Variants in GLIS3 observed in about 807,000 individuals in gnomAD.
GLIS3 encodes zinc finger protein GLIS3.
GLIS3 carries 53 observed loss-of-function variants against 78.6 expected under a neutral mutation model. That is an observed-to-expected ratio of 0.67 (90% CI 0.54 to 0.85). The LOEUF is 0.85. Ranked by LOEUF, GLIS3 falls within the 40% of genes least tolerant of loss-of-function variation. GLIS3 has a pLI of 0.00. For synonymous variants in GLIS3, 684 were observed against 509.9 expected (o/e 1.34, Z -4.60); for missense variants, 1,703 against 1,231.1 (o/e 1.38, Z -5.74).
chr9:4,139,734 T>G (rs1316182433), intron 2 of GLIS3, among the ~76,000 whole-genome samples: 2 of 152,180 alleles, frequency 1.3e-5, no homozygotes, highest in African/African-American at 4.8e-5. Context: ...GCATTATAAT[T>G]AGATTCTCGT....
chr9:4,440,701 A>G, the GLIS3 span, among the ~76,000 whole-genome samples: 1 of 152,124 alleles, frequency 6.6e-6, no homozygotes, highest in Non-Finnish European at 1.5e-5. Flanking sequence ...GAAAAATGTC[A>G]TTGGTATTTT....
In GLIS3 at chr9:4,323,409, T is replaced by C. The variant is rs189517896; in HGVS notation, n.265-12881A>G. Among the ~76,000 whole-genome samples the C allele has an allele frequency of 6.6e-5, 10 of 152,302 alleles. No homozygotes were observed. The East Asian group carries it at 1.5e-3, about 24-fold the overall frequency. On this transcript the variant is annotated intron_variant and non_coding_transcript_variant, in intron 2 of 4. Transcript: ENST00000471664. ...GCTGTGTATAGTCTCTAGAACTTGC[T>C]TTTTTCCACCCAATGTTATGTTGTC...
At chr9:4,294,028 A>G (rs887726099) in intron 1 of GLIS3, among the ~76,000 whole-genome samples, 1 of 152,190 alleles carries the variant, frequency 6.6e-6, no homozygotes, top group Non-Finnish European at 1.5e-5. Flanking sequence ...ACCGCCTTAG[A>G]GTCCAGCTCG....
chr9:4,408,163 G>T, the GLIS3 span, among the ~76,000 whole-genome samples: 3 of 152,302 alleles, frequency 2.0e-5, no homozygotes, highest in Admixed American at 2.0e-4. Flanking sequence ...TACGCTGTCA[G>T]TGGGAATGTA....
rs781055168 is a variant in GLIS3, at chr9:3,828,353, C to T, written c.2712G>A (p.Gly904=). 11 of 1,613,788 alleles carry T rather than the reference C, an allele frequency of 6.8e-6. No homozygotes were observed. In the East Asian group the frequency reaches 2.2e-4, roughly 33 times the overall value. The part of the protein sequence containing the change: ...SSLFGESLRS[G]AEDATFLQIS... ...TCTGCAAGAAGGTAGCATCTTCAGC[C>T]CCGCTGCGGAGAGACTCCCCAAAGA... The change falls in exon 11 of 11, where the codon GGG becomes GGA. Residue 904 remains glycine, a synonymous_variant. Coordinates refer to ENST00000381971, the MANE Select transcript of GLIS3 (RefSeq NM_001042413.2).
intron 9 of GLIS3, among the ~76,000 whole-genome samples, chr9:3,849,671 G>T (rs1819297920): frequency 6.6e-6 from 1 of 152,178 alleles, no homozygotes; most frequent in African/African-American, 2.4e-5. Flanking sequence ...ACTTTGGGAG[G>T]CTGGGGCGGG....
At chr9:4,023,067 A>G (rs1469129484) in intron 4 of GLIS3, among the ~76,000 whole-genome samples, 1 of 152,192 alleles carries the variant, frequency 6.6e-6, no homozygotes, top group East Asian at 1.9e-4. Context: ...TTTACTATAC[A>G]CAGATAAAAC....
intron 2 of GLIS3, among the ~76,000 whole-genome samples, chr9:4,247,720 T>C (rs1432765466): frequency 6.6e-6 from 1 of 152,214 alleles, no homozygotes; most frequent in Non-Finnish European, 1.5e-5. Context: ...TAGATTATGA[T>C]AGTATACTGA....
chr9:4,316,091 C>G (rs1300008335), intron 2 of GLIS3, among the ~76,000 whole-genome samples: 7 of 152,116 alleles, frequency 4.6e-5, no homozygotes, highest in African/African-American at 4.8e-5. Context: ...ATGCTATTCC[C>G]CTTTATGAAG....
chr9:4,310,510 T>G (rs1271854538), exon 3 of GLIS3: 2 of 152,202 alleles, frequency 1.3e-5, no homozygotes, highest in Non-Finnish European at 2.9e-5. Flanking sequence ...TGCCGATTTT[T>G]TGAATTTCAT....
chr9:3,931,674 T>C (rs947162340), intron 6 of GLIS3, among the ~76,000 whole-genome samples: 6 of 152,246 alleles, frequency 3.9e-5, no homozygotes, highest in African/African-American at 1.4e-4. Flanking sequence ...AACCACTTGC[T>C]AGACATCTTA....
rs148362344 is a variant in GLIS3, at chr9:4,011,049, G to A, written c.1711-73860C>T. Among the ~76,000 whole-genome samples the A allele has an allele frequency of 3.3e-5, 5 of 152,304 alleles. No homozygotes were observed. The East Asian group carries it at 5.8e-4, about 18-fold the overall frequency. On this transcript the variant is annotated intron_variant, in intron 4 of 10. Coordinates refer to ENST00000381971, the MANE Select transcript of GLIS3 (RefSeq NM_001042413.2). ...AGGAGCTCAGCGGGGAGTGGAGGTAGATGGACTGACCACTCACTTACATTT... is the reference window on the plus strand; with the variant it reads ...AGGAGCTCAGCGGGGAGTGGAGGTAAATGGACTGACCACTCACTTACATTT...
intron 9 of GLIS3, among the ~76,000 whole-genome samples, chr9:3,829,916 CT>C: frequency 2.6e-5 from 4 of 152,272 alleles, no homozygotes; most frequent in Admixed American, 2.6e-4. Flanking sequence ...GCAGAATGCT[CT>C]TAAAAAGGCC....
chr9:4,478,521 A>C, the GLIS3 span, among the ~76,000 whole-genome samples: 2 of 151,914 alleles, frequency 1.3e-5, no homozygotes, highest in Admixed American at 6.6e-5. Context: ...TGAGGCACGG[A>C]AATCGCTTGA....
the GLIS3 span, among the ~76,000 whole-genome samples, chr9:4,436,721 G>T: frequency 6.9e-6 from 1 of 145,354 alleles, no homozygotes; most frequent in East Asian, 2.0e-4. Flanking sequence ...CAGGAGAATT[G>T]CTTGAACCCA....
chr9:4,103,891 G>A (rs1166826530), intron 4 of GLIS3, among the ~76,000 whole-genome samples: 1 of 152,086 alleles, frequency 6.6e-6, no homozygotes, highest in Non-Finnish European at 1.5e-5. Context: ...ATGGCCCCTT[G>A]CAATTCTCCT....
chr9:4,267,415 G>T (rs1826116677), intron 2 of GLIS3, among the ~76,000 whole-genome samples: 2 of 152,138 alleles, frequency 1.3e-5, no homozygotes. Context: ...GCAGTGCTTT[G>T]CCAGTTCCTC....
chr9:4,418,268 C>A, the GLIS3 span, among the ~76,000 whole-genome samples: 1 of 151,884 alleles, frequency 6.6e-6, no homozygotes, highest in Non-Finnish European at 1.5e-5. Flanking sequence ...ATATGTATTG[C>A]AAAAAAAGAG....
At chr9:3,857,454 A>G (rs949223661) in intron 8 of GLIS3, among the ~76,000 whole-genome samples, 8 of 152,220 alleles carry the variant, frequency 5.3e-5, no homozygotes, top group Non-Finnish European at 1.0e-4. Context: ...CAGAGTTTCT[A>G]TGTTTGTACT....
Sources: allele counts gnomAD v4.1 joint callset (sites outside exome capture counted in the v4.1 genomes callset), GRCh38; gene constraint gnomAD v4.1.1; transcripts MANE v1.5; gene names NCBI Gene and HGNC (gene_info 2026-07-23, HGNC 2026-07-21).